The following CTNNA3 variants were observed in gnomAD, a reference collection of about 807,000 sequenced individuals.
CTNNA3 encodes the protein catenin alpha 3, also known as catenin alpha-3.
CTNNA3 carries 76 observed loss-of-function variants against 95.7 expected under a neutral mutation model. The observed-to-expected ratio is 0.79, with a 90% confidence interval of 0.66 to 0.96. CTNNA3 has a LOEUF of 0.96. Among genes scored for constraint, CTNNA3 ranks in the 40% least tolerant of loss-of-function variants. The pLI, the probability that CTNNA3 is intolerant of heterozygous loss-of-function variation, is 0.00. For missense variants in CTNNA3, 1,191 were observed against 1,089.8 expected, an observed-to-expected ratio of 1.09 and a Z score of -1.31; for synonymous variants, 431 against 374.4, an observed-to-expected ratio of 1.15 and a Z score of -1.74.
At chr10:65,986,871 G>T (rs2078440108) in intron 16 of CTNNA3, among the ~76,000 whole-genome samples, 1 of 149,736 alleles carries the variant, frequency 6.7e-6, no homozygotes, top group East Asian at 2.0e-4. Flanking sequence ...AAACCACATA[G>T]ACCACTGGAA....
intron 2 of CTNNA3, among the ~76,000 whole-genome samples, chr10:67,609,660 TG>T (rs1439411475): frequency 6.6e-6 from 1 of 152,220 alleles, no homozygotes; most frequent in Non-Finnish European, 1.5e-5. Flanking sequence ...CCTACAAGAC[TG>T]GGGAAGGTCA....
chr10:67,197,382 G>A lies in CTNNA3; in HGVS notation c.844-16862C>T, dbSNP rs147309673. Among the ~76,000 whole-genome samples, 196 of 152,086 alleles carry A rather than the reference G, an allele frequency of 1.3e-3. 3 individuals are homozygous for A. Among genetic ancestry groups the A allele is most frequent in the African/African-American group, 4.6e-3 (193 of 41,516 alleles). On this transcript the variant is annotated intron_variant, in intron 6 of 17. Transcript: ENST00000433211. The stretch of plus-strand genomic sequence containing the variant: ...ACCTTTCACTTCTGTCTATAATGAT[G>A]TCCTTTGGGAGAAATAGCAGGTTAA...
At chr10:66,814,746 A>G (rs2132273353) in intron 7 of CTNNA3, among the ~76,000 whole-genome samples, 1 of 152,298 alleles carries the variant, frequency 6.6e-6, no homozygotes, top group South Asian at 2.1e-4. Flanking sequence ...CCTAGCTGAC[A>G]GAGAGACTCT....
intron 5 of CTNNA3, among the ~76,000 whole-genome samples, chr10:67,227,279 C>A (rs986671693): frequency 6.6e-6 from 1 of 151,928 alleles, no homozygotes; most frequent in African/African-American, 2.4e-5. Flanking sequence ...TTAGTAGAGC[C>A]AGGGTTTCTC....
At chr10:65,930,589 T>C (rs2077237757) in intron 17 of CTNNA3, among the ~76,000 whole-genome samples, 1 of 152,214 alleles carries the variant, frequency 6.6e-6, no homozygotes, top group Non-Finnish European at 1.5e-5. Context: ...TAGTATGTCG[T>C]GATTTCATTC....
At chr10:67,491,559 A>G (rs1302860136) in intron 5 of CTNNA3, among the ~76,000 whole-genome samples, 4 of 152,246 alleles carry the variant, frequency 2.6e-5, no homozygotes, top group African/African-American at 9.6e-5. Flanking sequence ...CTGTAACAGT[A>G]TATGCAAAGG....
intron 11 of CTNNA3, among the ~76,000 whole-genome samples, chr10:66,492,810 C>T (rs935189984): frequency 1.3e-5 from 2 of 152,242 alleles, no homozygotes; most frequent in African/African-American, 2.4e-5. Flanking sequence ...CTTTGATTCC[C>T]TTAAGCATAG....
intron 17 of CTNNA3, among the ~76,000 whole-genome samples, chr10:65,945,139 T>C (rs1216468587): frequency 7.1e-6 from 1 of 141,232 alleles, no homozygotes; most frequent in Non-Finnish European, 1.5e-5. Flanking sequence ...ACCTCTTCTA[T>C]AAATGTGTGT....
chr10:67,181,822 A>G (rs1862561164), intron 6 of CTNNA3, among the ~76,000 whole-genome samples: 1 of 151,928 alleles, frequency 6.6e-6, no homozygotes. Context: ...AGAAAAAGAT[A>G]TAGTTTTAAA....
chr10:65,942,313 A>G (rs1282533350), intron 17 of CTNNA3, among the ~76,000 whole-genome samples: 2 of 152,056 alleles, frequency 1.3e-5, no homozygotes, highest in African/African-American at 4.8e-5. Context: ...CAGATCAAGA[A>G]GTCAAGAGAT....
At chr10:66,993,249 G>A (rs1193097223) in intron 7 of CTNNA3, among the ~76,000 whole-genome samples, 1 of 151,962 alleles carries the variant, frequency 6.6e-6, no homozygotes, top group Non-Finnish European at 1.5e-5. Context: ...ATGATAGGTG[G>A]GATCCAAGAA....
intron 9 of CTNNA3, among the ~76,000 whole-genome samples, chr10:66,749,421 T>C (rs79808773): frequency 0.011 from 1,730 of 152,194 alleles, 30 homozygotes; most frequent in African/African-American, 0.038. Context: ...ACTGTCCACA[T>C]AGCTTTGTCT....
intron 1 of CTNNA3, among the ~76,000 whole-genome samples, chr10:67,756,222 A>G (rs1447440856): frequency 1.3e-5 from 2 of 152,210 alleles, no homozygotes; most frequent in Non-Finnish European, 2.9e-5. Context: ...ACACCTATTC[A>G]ATAGTTTAAT....
intron 9 of CTNNA3, among the ~76,000 whole-genome samples, chr10:66,745,230 A>G (rs974956246): frequency 1.3e-5 from 2 of 152,208 alleles, no homozygotes; most frequent in Non-Finnish European, 2.9e-5. Flanking sequence ...CAAGTTTGGC[A>G]TATGCAGAAG....
At chr10:66,963,400 T>A (rs761930259) in intron 7 of CTNNA3, among the ~76,000 whole-genome samples, 1 of 152,202 alleles carries the variant, frequency 6.6e-6, no homozygotes. Flanking sequence ...GCATCTTAAA[T>A]GAAATTATAT....
At chr10:66,874,458 G>C (rs1265504668) in intron 7 of CTNNA3, among the ~76,000 whole-genome samples, 6 of 152,282 alleles carry the variant, frequency 3.9e-5, no homozygotes, top group African/African-American at 1.4e-4. Context: ...ACCTACTGCA[G>C]TACCTATGCA....
At chr10:67,370,817 G>A (rs1843398409) in intron 5 of CTNNA3, among the ~76,000 whole-genome samples, 1 of 150,316 alleles carries the variant, frequency 6.7e-6, no homozygotes, top group Non-Finnish European at 1.5e-5. Context: ...AAAGAAACTT[G>A]TTTGCATTAC....
At chr10:66,018,332 T>G (rs2133414926) in intron 15 of CTNNA3, among the ~76,000 whole-genome samples, 2 of 152,258 alleles carry the variant, frequency 1.3e-5, no homozygotes, top group Middle Eastern at 6.8e-3. Context: ...TTTTATTCAG[T>G]AAAGCATTGT....
intron 9 of CTNNA3, among the ~76,000 whole-genome samples, chr10:66,705,007 T>C (rs964738612): frequency 1.3e-5 from 2 of 152,254 alleles, no homozygotes; most frequent in African/African-American, 2.4e-5. Flanking sequence ...ATCCAGTCTT[T>C]CTGCTCTAAT....
Sources: gnomAD v4.1 joint callset for allele counts (sites outside exome capture counted in the v4.1 genomes callset) on GRCh38, gnomAD v4.1.1 for gene constraint, MANE v1.5 for transcripts, NCBI Gene and HGNC (gene_info 2026-07-23, HGNC 2026-07-21) for gene names.